The following FRMD4A variants were observed in gnomAD, a reference collection of about 807,000 sequenced individuals.
FRMD4A encodes the protein FERM domain-containing protein 4A.
A neutral mutation model predicts 129.1 loss-of-function variants in FRMD4A; 29 were observed. That is an observed-to-expected ratio of 0.22 (90% CI 0.17 to 0.31). The LOEUF (loss-of-function observed/expected upper bound fraction) is 0.31. FRMD4A is among the 10% of genes least tolerant of loss of function. The pLI, the probability that FRMD4A is intolerant of heterozygous loss-of-function variation, is 1.00. For synonymous variants in FRMD4A, 634 were observed against 571.6 expected (o/e 1.11, Z -1.56); for missense variants, 1,272 against 1,375.8 (o/e 0.92, Z 1.19).
chr10:13,950,929 C>T (rs1480868638), intron 2 of FRMD4A, among the ~76,000 whole-genome samples: 1 of 152,104 alleles, frequency 6.6e-6, no homozygotes, highest in African/African-American at 2.4e-5. Flanking sequence ...AAGACAAGAA[C>T]ATAATGCTGC....
At chr10:14,275,725 AC>A (rs1312253612) in intron 2 of FRMD4A, among the ~76,000 whole-genome samples, 1 of 152,084 alleles carries the variant, frequency 6.6e-6, no homozygotes, top group East Asian at 1.9e-4. Flanking sequence ...TCAAGAGTCC[AC>A]CCCTGTCTTC....
chr10:14,126,161 C>T (rs1838828144), intron 2 of FRMD4A, among the ~76,000 whole-genome samples: 1 of 143,952 alleles, frequency 6.9e-6, no homozygotes, highest in South Asian at 2.2e-4. Context: ...ATCACAAAAC[C>T]TTGCCCACTT....
At chr10:14,097,767 A>G (rs1482099084) in intron 2 of FRMD4A, among the ~76,000 whole-genome samples, 1 of 151,104 alleles carries the variant, frequency 6.6e-6, no homozygotes, top group East Asian at 1.9e-4. Context: ...AGAGTTAGCA[A>G]ATAGATGAGA....
intron 2 of FRMD4A, among the ~76,000 whole-genome samples, chr10:14,099,920 C>T (rs1006467621): frequency 6.6e-6 from 1 of 152,198 alleles, no homozygotes; most frequent in Non-Finnish European, 1.5e-5. Flanking sequence ...CCAAGGCAAC[C>T]TGGCTTTAGG....
intron 2 of FRMD4A, among the ~76,000 whole-genome samples, chr10:14,053,994 G>A (rs1384272389): frequency 6.6e-6 from 1 of 152,110 alleles, no homozygotes; most frequent in African/African-American, 2.4e-5. Flanking sequence ...GCAATAGAGT[G>A]AGACCCTGTC....
intron 2 of FRMD4A, among the ~76,000 whole-genome samples, chr10:14,101,562 G>T (rs1053530636): frequency 2.6e-5 from 4 of 152,160 alleles, no homozygotes; most frequent in Admixed American, 2.0e-4. Context: ...TGGGAACCTA[G>T]GGATATAGCA....
chr10:13,698,806 G>A (rs1341600271), intron 14 of FRMD4A, among the ~76,000 whole-genome samples: 1 of 152,224 alleles, frequency 6.6e-6, no homozygotes, highest in Non-Finnish European at 1.5e-5. Context: ...ATAGAGGGTT[G>A]TGATCCTCAC....
chr10:14,126,714 G>T (rs1204727341), intron 2 of FRMD4A, among the ~76,000 whole-genome samples: 1 of 152,210 alleles, frequency 6.6e-6, no homozygotes, highest in African/African-American at 2.4e-5. Flanking sequence ...CAAGGTAGAA[G>T]TATAATCTGA....
At chr10:14,085,947 T>C (rs753047093) in intron 2 of FRMD4A, among the ~76,000 whole-genome samples, 13 of 152,170 alleles carry the variant, frequency 8.5e-5, no homozygotes, top group Non-Finnish European at 1.6e-4. Flanking sequence ...TTCCCTTTTA[T>C]TTTTTTGCAA....
At chr10:14,295,376 C>G (rs542926339) in intron 2 of FRMD4A, among the ~76,000 whole-genome samples, 144 of 152,272 alleles carry the variant, frequency 9.5e-4, no homozygotes, top group Admixed American at 1.3e-3. Context: ...AACTTCAAAT[C>G]AAGAGAAAAC....
intron 2 of FRMD4A, chr10:13,890,958 G>A (rs1257568164): frequency 1.7e-6 from 1 of 591,032 alleles, no homozygotes; most frequent in Non-Finnish European, 2.1e-6. Context: ...CAAGTCGCTC[G>A]TTACGCACAG....
intron 2 of FRMD4A, among the ~76,000 whole-genome samples, chr10:14,166,337 C>T (rs139045511): frequency 2.0e-5 from 3 of 151,866 alleles, no homozygotes; most frequent in African/African-American, 7.2e-5. Flanking sequence ...TATTGATTAA[C>T]ATGGTTTCAT....
At chr10:14,085,410 C>CA (rs1368744098) in intron 2 of FRMD4A, among the ~76,000 whole-genome samples, 3 of 152,192 alleles carry the variant, frequency 2.0e-5, no homozygotes, top group African/African-American at 7.2e-5. Flanking sequence ...GTTAATACTG[C>CA]AAAAATAGTA....
At chr10:13,729,717 A>G (rs569501251) in intron 12 of FRMD4A, among the ~76,000 whole-genome samples, 168 of 152,296 alleles carry the variant, frequency 1.1e-3, no homozygotes, top group African/African-American at 3.9e-3. Flanking sequence ...AATGCCTCAG[A>G]GGGGACCCCA....
chr10:14,289,876 C>A lies in FRMD4A; in HGVS notation c.45+40182G>T, dbSNP rs576128236. ...GAAAATCCTAAAGACTCCACACACA[C>A]AAAAAAAACTCTTAGGACAAATAAA... On this transcript the variant is annotated intron_variant, in intron 2 of 24. Transcript: ENST00000357447. Among the ~76,000 whole-genome samples the A allele has an allele frequency of 6.0e-3, 906 of 151,226 alleles. 7 individuals are homozygous for A. The highest frequency in any genetic ancestry group is 0.019 in the African/African-American group (773 of 41,256).
chr10:14,247,377 A>G (rs1485249016), intron 2 of FRMD4A, among the ~76,000 whole-genome samples: 2 of 152,242 alleles, frequency 1.3e-5, no homozygotes, highest in Non-Finnish European at 2.9e-5. Context: ...CACGGTGCCC[A>G]GAACAATGGC....
chr10:14,269,838 T>C (rs1035426852), intron 2 of FRMD4A, among the ~76,000 whole-genome samples: 4 of 152,230 alleles, frequency 2.6e-5, no homozygotes, highest in Admixed American at 6.5e-5. Flanking sequence ...TTATTCTCAA[T>C]GCTTCAGCAG....
intron 2 of FRMD4A, among the ~76,000 whole-genome samples, chr10:14,238,291 C>T (rs539883939): frequency 6.6e-6 from 1 of 152,274 alleles, no homozygotes; most frequent in South Asian, 2.1e-4. Flanking sequence ...GATTAAATAG[C>T]TTGTCTAAAA....
At chr10:14,250,352 G>A (rs1205367084) in intron 2 of FRMD4A, among the ~76,000 whole-genome samples, 1 of 152,206 alleles carries the variant, frequency 6.6e-6, no homozygotes, top group East Asian at 1.9e-4. Context: ...CAAAGAAAGA[G>A]GAAGCATAGA....
Sources: gnomAD v4.1 joint callset for allele counts (sites outside exome capture counted in the v4.1 genomes callset) on GRCh38, gnomAD v4.1.1 for gene constraint, MANE v1.5 for transcripts, NCBI Gene and HGNC (gene_info 2026-07-23, HGNC 2026-07-21) for gene names.